Variants in MCPH1 observed in about 807,000 individuals in gnomAD.
MCPH1 encodes microcephalin 1, also known as microcephalin.
Under a neutral mutation model 84.5 loss-of-function variants are expected in MCPH1, and 104 were observed. The ratio of observed to expected loss-of-function variants is 1.23; its 90% CI spans 1.05 to 1.45. The LOEUF (loss-of-function observed/expected upper bound fraction) is 1.45, where lower values mean the gene tolerates loss of function less well. Ranked by LOEUF, MCPH1 falls within the 40% of genes most tolerant of loss-of-function variation. MCPH1 has a pLI of 0.00. For missense variants in MCPH1, 1,498 were observed against 1,005.7 expected (o/e 1.49, Z -6.62); for synonymous variants, 514 against 366.8 (o/e 1.40, Z -4.58).
intron 12 of MCPH1, chr8:6,563,274 TATG>T (rs1159726654): frequency 5.5e-6 from 1 of 183,192 alleles, no homozygotes; most frequent in African/African-American, 2.3e-5. Context: ...CCTTTCCTTA[TATG>T]ATAAGTTGAT....
chr8:6,522,506 G>GCT (rs1817552614), intron 12 of MCPH1, among the ~76,000 whole-genome samples: 1 of 152,158 alleles, frequency 6.6e-6, no homozygotes, highest in Non-Finnish European at 1.5e-5. Flanking sequence ...AGGCTCAGTG[G>GCT]CTCACACCTA....
At chr8:6,552,617 C>T (rs1450203417) in intron 12 of MCPH1, among the ~76,000 whole-genome samples, 1 of 152,058 alleles carries the variant, frequency 6.6e-6, no homozygotes, top group Admixed American at 6.5e-5. Flanking sequence ...TTATAATTAC[C>T]GTTCCTGCAA....
At chr8:6,476,611 C>G (rs570790727) in intron 9 of MCPH1, among the ~76,000 whole-genome samples, 2 of 152,190 alleles carry the variant, frequency 1.3e-5, no homozygotes, top group East Asian at 3.9e-4. Flanking sequence ...TATCTTTCAC[C>G]CAACAGAGAC....
intron 8 of MCPH1, chr8:6,446,981 C>A: frequency 1.0e-6 from 1 of 985,342 alleles, no homozygotes. Context: ...GAGGTTTTTT[C>A]GCTCAGTGGT....
chr8:6,600,368 C>A (rs887131804), intron 12 of MCPH1, among the ~76,000 whole-genome samples: 2 of 152,234 alleles, frequency 1.3e-5, no homozygotes, highest in East Asian at 3.9e-4. Context: ...TAGCCCTCAG[C>A]GCACAGGTGG....
chr8:6,537,665 A>G lies in MCPH1; in HGVS notation c.2214+37736A>G, dbSNP rs80181087. ...CAAATTTGACAGGAAAAATAGGTCC[A>G]TTTGTGAGGCAACTATGGCAGATTG... On this transcript the variant is annotated intron_variant, in intron 12 of 13. Coordinates refer to ENST00000344683, the MANE Select transcript of MCPH1 (RefSeq NM_024596.5). 6.8e-3 allele frequency among the ~76,000 whole-genome samples: 1,038 copies of G among 152,180 alleles called. 11 individuals are homozygous for G. The highest frequency in any genetic ancestry group is 0.023 in the African/African-American group (940 of 41,514).
intron 12 of MCPH1, among the ~76,000 whole-genome samples, chr8:6,591,612 T>C (rs533719850): frequency 6.6e-6 from 1 of 152,324 alleles, no homozygotes; most frequent in East Asian, 1.9e-4. Flanking sequence ...GTGTGCTTTG[T>C]GGGTTGGGTG....
At chr8:6,496,519 C>T (rs1445136160) in intron 11 of MCPH1, among the ~76,000 whole-genome samples, 1 of 150,650 alleles carries the variant, frequency 6.6e-6, no homozygotes, top group Non-Finnish European at 1.5e-5. Context: ...ACACGGAAGC[C>T]CCCCCGCCCC....
intron 12 of MCPH1, among the ~76,000 whole-genome samples, chr8:6,549,749 C>A (rs1222382238): frequency 6.6e-6 from 1 of 152,116 alleles, no homozygotes. Flanking sequence ...CGTGAGGGAG[C>A]CACGTGCAGG....
At chr8:6,545,412 T>C (rs188914128) in intron 12 of MCPH1, among the ~76,000 whole-genome samples, 2 of 152,370 alleles carry the variant, frequency 1.3e-5, no homozygotes, top group African/African-American at 4.8e-5. Flanking sequence ...CAAGTTTTGT[T>C]GTGACACTAT....
chr8:6,480,568 G>A, intron 10 of MCPH1, 146 bp from the exon 11 acceptor site: 2 of 775,902 alleles, frequency 2.6e-6, no homozygotes, highest in South Asian at 1.5e-5. Flanking sequence ...TTGATTATAA[G>A]TCAGTTAAGA....
chr8:6,509,791 A>T (rs1291069752), intron 12 of MCPH1, among the ~76,000 whole-genome samples: 1 of 152,190 alleles, frequency 6.6e-6, no homozygotes, highest in Admixed American at 6.5e-5. Context: ...AGCCTTCCTT[A>T]AATGTGCTCG....
chr8:6,618,438 C>G (rs1831081887), intron 12 of MCPH1: 1 of 152,198 alleles, frequency 6.6e-6, no homozygotes, highest in South Asian at 2.1e-4. Flanking sequence ...AGGTTGATTT[C>G]CTTTTCTACT....
At chr8:6,419,393 A>AGTTTTTTTT (rs113136433) in intron 3 of MCPH1, among the ~76,000 whole-genome samples, 1 of 150,464 alleles carries the variant, frequency 6.6e-6, no homozygotes, top group Non-Finnish European at 1.5e-5. Flanking sequence ...GCCATTAAAA[A>AGTTTTTTTT]ATTTTTTTTT....
intron 12 of MCPH1, among the ~76,000 whole-genome samples, chr8:6,589,815 G>T (rs986055721): frequency 1.3e-5 from 2 of 152,156 alleles, no homozygotes; most frequent in Non-Finnish European, 2.9e-5. Context: ...GGGAATGCTT[G>T]TATACCTGAA....
chr8:6,632,007 A>T (rs1797197846), intron 13 of MCPH1, among the ~76,000 whole-genome samples: 1 of 152,258 alleles, frequency 6.6e-6, no homozygotes, highest in South Asian at 2.1e-4. Flanking sequence ...ACCCTTAAAA[A>T]GGAAGGAGAT....
At chr8:6,408,047 C>A (rs1267945226) in intron 1 of MCPH1, among the ~76,000 whole-genome samples, 2 of 152,140 alleles carry the variant, frequency 1.3e-5, no homozygotes, top group Non-Finnish European at 2.9e-5. Flanking sequence ...GGCCACAAAG[C>A]CTGAAATATT....
chr8:6,532,539 T>G, intron 12 of MCPH1: 1 of 1,409,976 alleles, frequency 7.1e-7, no homozygotes. Flanking sequence ...ACCGGAAACC[T>G]GATTCCTAAA....
chr8:6,553,132 G>T (rs763512353), intron 12 of MCPH1, among the ~76,000 whole-genome samples: 2 of 152,150 alleles, frequency 1.3e-5, no homozygotes, highest in African/African-American at 4.8e-5. Context: ...AGATTCATCA[G>T]TTGTAACCAG....
Sources: gnomAD v4.1 joint callset for allele counts (sites outside exome capture counted in the v4.1 genomes callset) on GRCh38, gnomAD v4.1.1 for gene constraint, MANE v1.5 for transcripts, NCBI Gene and HGNC (gene_info 2026-07-23, HGNC 2026-07-21) for gene names.